Variants in AGTPBP1 observed in about 807,000 individuals in gnomAD.
AGTPBP1 encodes the protein ATP/GTP binding carboxypeptidase 1.
Under a neutral mutation model 143.9 loss-of-function variants are expected in AGTPBP1, and 70 were observed. That is an observed-to-expected ratio of 0.49 (90% CI 0.40 to 0.59). The LOEUF is 0.59. Among genes scored for constraint, AGTPBP1 ranks in the 20% least tolerant of loss-of-function variants. The pLI, the probability that AGTPBP1 is intolerant of heterozygous loss-of-function variation, is 0.00. For missense variants in AGTPBP1, 1,229 were observed against 1,464.5 expected (o/e 0.84, Z 2.62); for synonymous variants, 463 against 500.2 (o/e 0.93, Z 0.99).
chr9:85,616,546 G>C (rs1361766040), intron 17 of AGTPBP1, among the ~76,000 whole-genome samples: 1 of 151,748 alleles, frequency 6.6e-6, no homozygotes, highest in East Asian at 1.9e-4. Context: ...TCTACTTGTA[G>C]CACTTCTGAA....
intron 2 of AGTPBP1, among the ~76,000 whole-genome samples, chr9:85,710,529 T>C (rs1043068731): frequency 3.3e-5 from 5 of 152,096 alleles, no homozygotes; most frequent in African/African-American, 7.2e-5. Context: ...TGCCATACTA[T>C]AGGAAGGGAG....
intron 12 of AGTPBP1, 104 bp from the exon 13 acceptor site, chr9:85,643,047 TAAAGA>T: frequency 1.4e-6 from 1 of 723,196 alleles, no homozygotes; most frequent in Non-Finnish European, 2.3e-6. Flanking sequence ...TACATGTAAT[TAAAGA>T]ATAATTACTG....
At chr9:85,595,544 A>T (rs139012824) in intron 18 of AGTPBP1, among the ~76,000 whole-genome samples, 2,524 of 152,284 alleles carry the variant, frequency 0.017, 30 homozygotes, top group Middle Eastern at 0.054. Flanking sequence ...TTATTTATTT[A>T]GAGACGGAGT....
At chr9:85,565,843 G>C (rs1827050592) in intron 25 of AGTPBP1, among the ~76,000 whole-genome samples, 2 of 152,162 alleles carry the variant, frequency 1.3e-5, no homozygotes, top group South Asian at 4.1e-4. Context: ...CCTTCCTTAA[G>C]AATTTTTTTG....
intron 2 of AGTPBP1, among the ~76,000 whole-genome samples, chr9:85,708,478 T>C (rs59917734): frequency 0.023 from 3,438 of 152,254 alleles, 128 homozygotes; most frequent in African/African-American, 0.079. Context: ...CAATAAGAAA[T>C]AGAAAAACCT....
chr9:85,747,340 G>T, the AGTPBP1 span, among the ~76,000 whole-genome samples: 1 of 152,094 alleles, frequency 6.6e-6, no homozygotes, highest in Non-Finnish European at 1.5e-5. Flanking sequence ...TTTTCAAGAT[G>T]ATTTTGGCTA....
intron 8 of AGTPBP1, among the ~76,000 whole-genome samples, chr9:85,663,253 A>C (rs1833945330): frequency 6.6e-6 from 1 of 152,148 alleles, no homozygotes; most frequent in African/African-American, 2.4e-5. Flanking sequence ...GGCTGGGAAA[A>C]AGCCATCCAA....
chr9:85,581,540 C>A (rs1828263071), intron 23 of AGTPBP1, among the ~76,000 whole-genome samples: 1 of 152,132 alleles, frequency 6.6e-6, no homozygotes, highest in South Asian at 2.1e-4. Context: ...TTCATCCATC[C>A]ATTCAACAAA....
chr9:85,759,535 G>A, the AGTPBP1 span, among the ~76,000 whole-genome samples: 7 of 151,870 alleles, frequency 4.6e-5, no homozygotes, highest in African/African-American at 1.2e-4. Context: ...GGTACATAAC[G>A]AAATGAAGGC....
At chr9:85,698,679 CTTTTTTTTTTTTTTT>C (rs34248388) in intron 2 of AGTPBP1, among the ~76,000 whole-genome samples, 16 of 76,578 alleles carry the variant, frequency 2.1e-4, no homozygotes, top group East Asian at 1.1e-3. Flanking sequence ...CCACCTAACC[CTTTTTTTTTTTTTTT>C]TTTTTTTTTT....
chr9:85,687,601 C>T (rs1341409459), intron 3 of AGTPBP1, among the ~76,000 whole-genome samples: 1 of 151,150 alleles, frequency 6.6e-6, no homozygotes, highest in Non-Finnish European at 1.5e-5. Flanking sequence ...AAACAACACA[C>T]TTCTAAAAAA....
chr9:85,728,028 T>TACACAC (rs879929594), intron 1 of AGTPBP1, among the ~76,000 whole-genome samples: 8 of 120,898 alleles, frequency 6.6e-5, no homozygotes, highest in South Asian at 2.8e-4. Context: ...TATATATTTA[T>TACACAC]ATACACACAC....
chr9:85,585,468 A>T lies in AGTPBP1; in HGVS notation c.3160T>A (p.Tyr1054Asn). 1 of 1,598,076 alleles carries T rather than the reference A, an allele frequency of 6.3e-7. No homozygotes were observed. Among genetic ancestry groups the T allele is most frequent in the Non-Finnish European group, 8.5e-7 (1 of 1,173,894 alleles). The change falls in exon 23 of 26, where the codon TAC becomes AAC. Residue 1054 changes from tyrosine (Y) to asparagine (N), a missense_variant. Coordinates refer to ENST00000357081, the MANE Select transcript of AGTPBP1 (RefSeq NM_001330701.2). ...GAATCATCTGTAATAATTACCCTGT[A>T]TCCCGTATCCTCCACAACATCACAT... is the stretch of plus-strand genomic sequence containing the variant. The part of the protein sequence containing the change: ...TSCDVVEDTG[Y>N]RTLPKILSHI...
At chr9:85,570,267 T>C (rs993161259) in intron 25 of AGTPBP1, among the ~76,000 whole-genome samples, 6 of 152,184 alleles carry the variant, frequency 3.9e-5, no homozygotes, top group African/African-American at 1.4e-4. Context: ...ATTTAAAATT[T>C]ATGAATTGTT....
At chr9:85,696,989 T>C (rs1161029481) in intron 2 of AGTPBP1, among the ~76,000 whole-genome samples, 1 of 152,250 alleles carries the variant, frequency 6.6e-6, no homozygotes, top group African/African-American at 2.4e-5. Context: ...TTCTACATTT[T>C]AACTATGACT....
At chr9:85,718,804 C>T (rs1195395819) in intron 1 of AGTPBP1, among the ~76,000 whole-genome samples, 1 of 152,166 alleles carries the variant, frequency 6.6e-6, no homozygotes. Flanking sequence ...GGTTTTAGGT[C>T]TTACACTTAA....
chr9:85,633,337 A>C lies in AGTPBP1; in HGVS notation c.1340T>G (p.Val447Gly). 1 of 1,592,374 alleles carries C rather than the reference A, an allele frequency of 6.3e-7. No individual in the cohort carries two copies. Among genetic ancestry groups the C allele is most frequent in the Non-Finnish European group, 8.5e-7 (1 of 1,174,128 alleles). Residue 447 changes from valine to glycine, a missense_variant, in exon 14 of 26, where the codon GTA (valine) becomes GGA (glycine). Around this residue, in one of 2 missense-constraint regions of AGTPBP1, gnomAD observed 743 missense variants for 812.2 expected, o/e 0.91. Coordinates refer to ENST00000357081, the MANE Select transcript of AGTPBP1 (RefSeq NM_001330701.2). ...DLISKEPKPF[V>G]FEGKVRGPIV... ...AGGACCACGTACTTTTCCCTCAAAT[A>C]CAAAAGGCTTTGGTTCTTTGGAGAT...
the AGTPBP1 span, among the ~76,000 whole-genome samples, chr9:85,785,026 T>G: frequency 3.9e-5 from 6 of 152,310 alleles, no homozygotes; most frequent in Admixed American, 6.5e-5. Flanking sequence ...AACCTGTGTT[T>G]TAAAACTTTG....
intron 17 of AGTPBP1, among the ~76,000 whole-genome samples, chr9:85,600,544 G>C (rs1829595972): frequency 1.3e-5 from 2 of 152,034 alleles, no homozygotes; most frequent in Admixed American, 1.3e-4. Context: ...AAGGCAGGCA[G>C]GCTACTTGGC....
Sources: gnomAD v4.1 joint callset for allele counts (sites outside exome capture counted in the v4.1 genomes callset) on GRCh38, gnomAD v4.1.1 for gene constraint, gnomAD v4.1.1 regional missense constraint, MANE v1.5 for transcripts, NCBI Gene and HGNC (gene_info 2026-07-23, HGNC 2026-07-21) for gene names.